FRMD6: variants seen among roughly 807,000 people sequenced by gnomAD.
FRMD6 encodes the protein FERM domain-containing protein 6.
In FRMD6, 37 loss-of-function variants were observed where a neutral mutation model predicts 73.2. The ratio of observed to expected loss-of-function variants is 0.51; its 90% CI spans 0.39 to 0.66. The LOEUF (loss-of-function observed/expected upper bound fraction) is 0.66, where lower values mean the gene tolerates loss of function less well. Among genes scored for constraint, FRMD6 ranks in the 30% least tolerant of loss-of-function variants. FRMD6 has a pLI of 0.00. For synonymous variants in FRMD6, 273 were observed against 282.2 expected (o/e 0.97, Z 0.33); for missense variants, 714 against 780.5 (o/e 0.91, Z 1.02).
intron 1 of FRMD6, among the ~76,000 whole-genome samples, chr14:51,490,750 C>T (rs570459186): frequency 1.6e-4 from 25 of 152,176 alleles, no homozygotes; most frequent in African/African-American, 5.8e-4. Context: ...CTTAAGGTGG[C>T]CCAGTTACCG....
the FRMD6 span, among the ~76,000 whole-genome samples, chr14:51,465,863 T>A: frequency 2.6e-5 from 4 of 152,196 alleles, no homozygotes; most frequent in Non-Finnish European, 5.9e-5. Flanking sequence ...TATATTTAGC[T>A]TTTCAAGAAA....
At chr14:51,705,325 T>A (rs1896561480) in intron 6 of FRMD6, among the ~76,000 whole-genome samples, 2 of 152,078 alleles carry the variant, frequency 1.3e-5, no homozygotes, top group Non-Finnish European at 2.9e-5. Flanking sequence ...AACAAGTATG[T>A]CAACTTCTGG....
intron 1 of FRMD6, among the ~76,000 whole-genome samples, chr14:51,669,887 A>ACATGTTTTT (rs1893876031): frequency 4.0e-5 from 6 of 149,818 alleles, no homozygotes; most frequent in African/African-American, 1.5e-4. Flanking sequence ...TGCCCTAAGA[A>ACATGTTTTT]AACCAGGGCA....
At chr14:51,400,130 G>A in the FRMD6 span, among the ~76,000 whole-genome samples, 2 of 143,936 alleles carry the variant, frequency 1.4e-5, no homozygotes, top group East Asian at 2.0e-4. Flanking sequence ...AACATTTAAA[G>A]TCCTCTCTTT....
chr14:51,622,129 A>T (rs1187870906), intron 2 of FRMD6, among the ~76,000 whole-genome samples: 2 of 152,164 alleles, frequency 1.3e-5, no homozygotes, highest in Non-Finnish European at 2.9e-5. Flanking sequence ...GATCCCTGTG[A>T]GTGCTGGGAG....
intron 1 of FRMD6, among the ~76,000 whole-genome samples, chr14:51,689,368 T>A (rs931445335): frequency 6.6e-6 from 1 of 152,238 alleles, no homozygotes; most frequent in African/African-American, 2.4e-5. Flanking sequence ...CAAAACCCTT[T>A]ATCTCCCATG....
chr14:51,589,597 C>G (rs1889258818), intron 2 of FRMD6, among the ~76,000 whole-genome samples: 1 of 151,806 alleles, frequency 6.6e-6, no homozygotes, highest in South Asian at 2.1e-4. Context: ...GCCAGAGAGC[C>G]TGATCATTCC....
intron 2 of FRMD6, among the ~76,000 whole-genome samples, chr14:51,639,046 C>G (rs1891703035): frequency 6.7e-6 from 1 of 150,346 alleles, no homozygotes; most frequent in South Asian, 2.1e-4. Flanking sequence ...GTGGACACTT[C>G]AAGTGTCAGG....
At chr14:51,641,227 C>T (rs976388339) in intron 2 of FRMD6, among the ~76,000 whole-genome samples, 42 of 152,260 alleles carry the variant, frequency 2.8e-4, no homozygotes, top group African/African-American at 9.1e-4. Flanking sequence ...GTGATCCATT[C>T]GCCTTAGCCT....
At chr14:51,498,753 C>T (rs930991076) in intron 1 of FRMD6, among the ~76,000 whole-genome samples, 12 of 152,132 alleles carry the variant, frequency 7.9e-5, no homozygotes, top group African/African-American at 1.7e-4. Context: ...ATTCCATCCA[C>T]GTGACGAAAC....
chr14:51,561,046 T>C (rs1887452927), intron 1 of FRMD6, among the ~76,000 whole-genome samples: 1 of 152,206 alleles, frequency 6.6e-6, no homozygotes, highest in Non-Finnish European at 1.5e-5. Context: ...GACTATGAGT[T>C]AGTAACTTGC....
the FRMD6 span, among the ~76,000 whole-genome samples, chr14:51,399,968 A>T: frequency 3.7e-5 from 4 of 107,434 alleles, no homozygotes; most frequent in South Asian, 2.4e-4. Flanking sequence ...TTCCTTTTTT[A>T]AAAAAAGTTT....
rs1895412268 is a variant in FRMD6 at position 51,689,761 on chromosome 14, C to T, written c.-76C>T. The T allele has an allele frequency of 1.2e-6, 1 of 852,254 alleles. No individual in the cohort carries two copies. The highest frequency in any genetic ancestry group is 1.6e-5 in the African/African-American group (1 of 60,642). 52.8% of individuals were successfully genotyped at this position (852,254 alleles called of 1,614,324 possible). A position where few individuals can be genotyped will look rare whatever the true frequency, so the allele number is the denominator to read the frequency against. On this transcript the variant is annotated 5_prime_UTR_variant, in exon 2 of 14. Coordinates refer to ENST00000344768, the MANE Select transcript of FRMD6 (RefSeq NM_001267046.2). ...GCGTGTGATGAGGAGGCGAGCTTGG[C>T]TTTGGAGTGCTGGGAACCTGAGGAA...
intron 2 of FRMD6, among the ~76,000 whole-genome samples, chr14:51,592,876 A>C (rs1889474952): frequency 6.6e-6 from 1 of 152,226 alleles, no homozygotes; most frequent in South Asian, 2.1e-4. Flanking sequence ...ATGATTTTTT[A>C]AATATATGTC....
intron 1 of FRMD6, among the ~76,000 whole-genome samples, chr14:51,549,618 G>A (rs1343955040): frequency 2.4e-5 from 1 of 42,390 alleles, no homozygotes; most frequent in Non-Finnish European, 4.4e-5. Flanking sequence ...TTTTTTTTGA[G>A]ACAGAGTCTC....
At chr14:51,570,107 G>C (rs114745814) in intron 1 of FRMD6, among the ~76,000 whole-genome samples, 1 of 152,036 alleles carries the variant, frequency 6.6e-6, no homozygotes, top group Non-Finnish European at 1.5e-5. Flanking sequence ...GAGCCACTGC[G>C]CCCGGCCCAT....
In FRMD6 at chr14:51,513,305, A is replaced by G. The variant is rs1351670754; in HGVS notation, c.-210+23885A>G. ...ACAGGCTGCATTTCCTGATCTCTCA[A>G]GAAGAGAAGAGCCATCCCTGCAGCT... On this transcript the variant is annotated intron_variant, in intron 1 of 14. Coordinates refer to the FRMD6 transcript ENST00000356218. 2.6e-5 allele frequency among the ~76,000 whole-genome samples: 4 copies of G among 152,224 alleles called. No homozygotes were observed. The East Asian group carries it at 7.7e-4, about 29-fold the overall frequency.
chr14:51,703,977 C>T (rs973959600), intron 5 of FRMD6, among the ~76,000 whole-genome samples: 1 of 152,038 alleles, frequency 6.6e-6, no homozygotes, highest in East Asian at 1.9e-4. Flanking sequence ...ATGTTTTCCC[C>T]AGTCAGCATT....
intron 1 of FRMD6, among the ~76,000 whole-genome samples, chr14:51,660,927 G>GTGT (rs1185449819): frequency 6.6e-6 from 1 of 152,198 alleles, no homozygotes; most frequent in East Asian, 1.9e-4. Context: ...CATGCCTGAT[G>GTGT]TGTTCCAGGA....
Sources: gnomAD v4.1 joint callset for allele counts (sites outside exome capture counted in the v4.1 genomes callset) on GRCh38, gnomAD v4.1.1 for gene constraint, MANE v1.5 for transcripts, NCBI Gene and HGNC (gene_info 2026-07-23, HGNC 2026-07-21) for gene names.